OTX1: variants seen among roughly 807,000 people sequenced by gnomAD.
The protein encoded by OTX1 is orthodenticle homeobox 1, also known as homeobox protein OTX1.
Under a neutral mutation model 26.7 loss-of-function variants are expected in OTX1, and 7 were observed. The observed-to-expected ratio is 0.26, with a 90% CI of 0.15 to 0.49. The LOEUF is 0.49. Ranked by LOEUF, OTX1 falls within the 20% of genes least tolerant of loss-of-function variation. The pLI, the probability that OTX1 is intolerant of heterozygous loss-of-function variation, is 0.98. For missense variants in OTX1, 414 were observed against 483.8 expected (o/e 0.86, Z 1.35); for synonymous variants, 216 against 212.8 (o/e 1.01, Z -0.13).
chr2:63,053,638 T>C, intron 3 of OTX1: 1 of 182,502 alleles, frequency 5.5e-6, no homozygotes. Context: ...ACCTCATTTA[T>C]TTTCTCCGAA....
At chr2:63,050,617 C>G (rs1025355786), upstream of OTX1, 1 of 136,944 alleles carries the variant, frequency 7.3e-6, no homozygotes, top group Non-Finnish European at 1.6e-5. Flanking sequence ...AGCCGAGTCC[C>G]GGAGTTAGCG....
At chr2:63,053,207 G>GC in intron 3 of OTX1, 120 bp downstream of exon 3, 1 of 641,600 alleles carries the variant, frequency 1.6e-6, no homozygotes, top group Non-Finnish European at 2.6e-6. Flanking sequence ...GCAACACAGG[G>GC]CCCACTGTCT....
chr2:63,053,823 G>C lies in OTX1; in HGVS notation c.98-224G>C. 5.3e-6 allele frequency: 3 copies of C among 567,626 alleles called. No individual in the cohort carries two copies. In the South Asian group the frequency reaches 6.7e-5, roughly 13 times the overall value. The allele number at this position is 567,626 out of a possible 1,614,324, so 35.2% of individuals were successfully genotyped here. ...TTTAACCTCTGAGAGGCATAGAGAGGGGCAGCCCTCGAATCTTGGAGACAC... is the reference window on the plus strand; with the variant it reads ...TTTAACCTCTGAGAGGCATAGAGAGCGGCAGCCCTCGAATCTTGGAGACAC... On this transcript the variant is annotated intron_variant, in intron 3 of 4. Coordinates refer to ENST00000282549, the MANE Select transcript of OTX1 (RefSeq NM_014562.4).
Position 63,055,441 on chromosome 2 carries a change from T to C in OTX1, c.250-60T>C, listed in dbSNP as rs2062056538. On this transcript the variant is annotated intron_variant, in intron 4 of 4. Transcript: ENST00000282549. The surrounding 1 kb of genome is among the most constrained non-coding windows in gnomAD (Gnocchi z 5.2). ...ACCGGGAGTTGGGTCCGCGGGGCGG[T>C]GGAGCAACAAGCTCCCCTAGCTCCC... 2 of 1,514,796 alleles carry C rather than the reference T, an allele frequency of 1.3e-6. No individual in the cohort carries two copies. Among genetic ancestry groups the C allele is most frequent in the Non-Finnish European group, 1.8e-6 (2 of 1,115,362 alleles). The allele number at this position is 1,514,796 out of a possible 1,614,324, so 93.8% of individuals were successfully genotyped here. A position where few individuals can be genotyped will look rare whatever the true frequency, so the allele number is the denominator to read the frequency against.
At chr2:63,050,160 G>GT (rs2062012460), upstream of OTX1, 1 of 152,318 alleles carries the variant, frequency 6.6e-6, no homozygotes, top group South Asian at 2.1e-4. Context: ...CAGGTAAGTG[G>GT]CGGCGCCCTC....
chr2:63,054,434 G>A (rs531876382), intron 4 of OTX1, among the ~76,000 whole-genome samples: 3 of 152,376 alleles, frequency 2.0e-5, no homozygotes, highest in African/African-American at 7.2e-5. Context: ...CGCCTTCGGT[G>A]TCGGTATCGA....
Position 63,055,484 on chromosome 2 carries a change from C to G in OTX1, c.250-17C>G. 6.2e-7 allele frequency: 1 copy of G among 1,605,686 alleles called. No homozygotes were observed. On this transcript the variant is annotated splice_polypyrimidine_tract_variant and intron_variant, in intron 4 of 4. Transcript: ENST00000282549. The surrounding 1 kb of genome is among the most constrained non-coding windows in gnomAD (Gnocchi z 5.2). The stretch of plus-strand genomic sequence containing the variant: ...TAGCTCCCTTTGACCCACTCTCCCC[C>G]ATCCGGCCCACTGCAGGTCTGGTTC...
rs74616966 is a variant in OTX1, at chr2:63,055,339, G to A, written c.250-162G>A. 5.2e-3 allele frequency among the ~76,000 whole-genome samples: 799 copies of A among 152,332 alleles called. 10 individuals carry two copies. The highest frequency in any genetic ancestry group is 0.018 in the African/African-American group (733 of 41,566). The stretch of plus-strand genomic sequence containing the variant: ...GGAGGGTGGAGGAGCTGGGAACCGA[G>A]GTAGGGGGCAGGGTCTGGCCAGGCC... On this transcript the variant is annotated intron_variant, in intron 4 of 4. Transcript: ENST00000282549. The surrounding 1 kb of genome is among the most constrained non-coding windows in gnomAD (Gnocchi z 5.2).
chr2:63,053,389 C>G (rs1226958989), intron 3 of OTX1: 2 of 347,346 alleles, frequency 5.8e-6, no homozygotes, highest in Non-Finnish European at 1.0e-5. Context: ...GATTCGCTAC[C>G]CAGGGGCGGC....
intron 4 of OTX1, 150 bp downstream of exon 4, chr2:63,054,348 TG>T: frequency 1.3e-6 from 1 of 759,370 alleles, no homozygotes; most frequent in East Asian, 3.3e-5. Context: ...CCCCTAGCGC[TG>T]GGCCCCAGCC....
Position 63,056,550 on chromosome 2 carries a change from C to G in OTX1, c.*234C>G. The G allele has an allele frequency of 3.4e-6, 2 of 594,674 alleles. No homozygotes were observed. Among genetic ancestry groups the G allele is most frequent in the Middle Eastern group, 4.5e-4 (1 of 2,240 alleles). The allele number at this position is 594,674 out of a possible 1,614,324, so 36.8% of individuals were successfully genotyped here. A position where few individuals can be genotyped will look rare whatever the true frequency, so the allele number is the denominator to read the frequency against. On this transcript the variant is annotated 3_prime_UTR_variant, in exon 5 of 5. Coordinates refer to ENST00000282549, the MANE Select transcript of OTX1 (RefSeq NM_014562.4). ...GGGGGGACCGGTGCTTCGGCTTGGC[C>G]TACACATTCTATACAGGAGAGATGT... is the stretch of plus-strand genomic sequence containing the variant.
In OTX1 at chr2:63,055,604, G is replaced by A; in HGVS notation, c.353G>A (p.Ser118Asn). ...AKKKSSPVRE[S>N]SGSESSGQFT... Reference sequence around the variant, plus strand: ...AAGAAGTCCTCTCCAGTGCGGGAGAGCTCGGGCTCCGAAAGCAGTGGCCAA... The same window carrying A: ...AAGAAGTCCTCTCCAGTGCGGGAGAACTCGGGCTCCGAAAGCAGTGGCCAA... Residue 118 changes from serine to asparagine, a missense_variant, in exon 5 of 5, where the codon AGC becomes AAC. Transcript: ENST00000282549. This position sits in a 1 kb window ranked among gnomAD's most constrained non-coding sequence, Gnocchi z 5.2. The A allele has an allele frequency of 6.2e-7, 1 of 1,614,178 alleles. No individual in the cohort carries two copies. Among genetic ancestry groups the A allele is most frequent in the South Asian group, 1.1e-5 (1 of 91,086 alleles).
Position 63,052,951 on chromosome 2 carries a change from C to A in OTX1, c.-40C>A, listed in dbSNP as rs758698849. The A allele has an allele frequency of 5.7e-6, 8 of 1,410,196 alleles. No homozygotes were observed. The African/African-American group carries it at 5.7e-5, about 10-fold the overall frequency. 87.4% of individuals were successfully genotyped at this position (1,410,196 alleles called of 1,614,324 possible). ...GCCCTGCACCGCTCCTGGCCCCGGGCCCCCTGGATCCGTCGGGGCGCCTCC... is the reference window on the plus strand; with the variant it reads ...GCCCTGCACCGCTCCTGGCCCCGGGACCCCTGGATCCGTCGGGGCGCCTCC... On this transcript the variant is annotated 5_prime_UTR_variant, in exon 3 of 5. Transcript: ENST00000282549.
chr2:63,057,468 G>C lies in OTX1; in HGVS notation c.*1152G>C, dbSNP rs2062076734. On this transcript the variant is annotated 3_prime_UTR_variant, in exon 5 of 5. Coordinates refer to ENST00000282549, the MANE Select transcript of OTX1 (RefSeq NM_014562.4). ...GTTCCAGTTTACAAACCTAAAACAA[G>C]AAAACCAAAACCAGGGAACAAAACA... 6.6e-6 allele frequency: 1 copy of C among 152,168 alleles called. No individual in the cohort carries two copies. The highest frequency in any genetic ancestry group is 2.1e-4 in the South Asian group (1 of 4,830). The allele number at this position is 152,168 out of a possible 1,614,324, so 9.4% of individuals were successfully genotyped here.
upstream of OTX1, among the ~76,000 whole-genome samples, chr2:63,050,481 C>A (rs2062017061): frequency 6.6e-6 from 1 of 152,190 alleles, no homozygotes; most frequent in Non-Finnish European, 1.5e-5. Context: ...CCACTCCCTC[C>A]GGAGCGCCGA....
intron 3 of OTX1, chr2:63,053,394 G>A (rs1341731017): frequency 2.9e-6 from 1 of 339,248 alleles, no homozygotes; most frequent in African/African-American, 2.1e-5. Flanking sequence ...GCTACCCAGG[G>A]GCGGCTAGTA....
upstream of OTX1, among the ~76,000 whole-genome samples, chr2:63,050,541 C>G (rs1161903176): frequency 6.6e-6 from 1 of 152,162 alleles, no homozygotes; most frequent in African/African-American, 2.4e-5. Context: ...GACCCACGGC[C>G]CCCTCCGCGG....
rs1467923039 is a variant in OTX1 at position 63,057,200 on chromosome 2, G to C, written c.*884G>C. On this transcript the variant is annotated 3_prime_UTR_variant, in exon 5 of 5. Transcript: ENST00000282549. ...CAAAAGCAAAAAATATTTTCCCTCT[G>C]TCCGTCCCCCTTCTGCTCTTCCTCA... The C allele has an allele frequency of 6.6e-6, 1 of 151,972 alleles. No individual in the cohort carries two copies. Among genetic ancestry groups the C allele is most frequent in the Non-Finnish European group, 1.5e-5 (1 of 68,048 alleles). 9.4% of individuals were successfully genotyped at this position (151,972 alleles called of 1,614,324 possible). A position where few individuals can be genotyped will look rare whatever the true frequency, so the allele number is the denominator to read the frequency against.
At chr2:63,049,846 C>T (rs1370046422), upstream of OTX1, among the ~76,000 whole-genome samples, 5 of 152,204 alleles carry the variant, frequency 3.3e-5, no homozygotes, top group African/African-American at 1.2e-4. This position sits in a 1 kb window ranked among gnomAD's most constrained non-coding sequence, Gnocchi z 4.8. Flanking sequence ...GGGAAATGGG[C>T]TTCGCCCGTA....
Sources: allele counts gnomAD v4.1 joint callset (sites outside exome capture counted in the v4.1 genomes callset), GRCh38; gene constraint gnomAD v4.1.1; non-coding constraint Gnocchi (gnomAD v3.1); transcripts MANE v1.5; gene names NCBI Gene and HGNC (gene_info 2026-07-23, HGNC 2026-07-21).